MTMR9: variants seen among roughly 807,000 people sequenced by gnomAD.
The protein encoded by MTMR9 is myotubularin related protein 9, also known as myotubularin-related protein 9.
MTMR9 carries 39 observed loss-of-function variants against 69.5 expected under a neutral mutation model. The ratio of observed to expected loss-of-function variants is 0.56; its 90% confidence interval spans 0.43 to 0.73. The LOEUF (loss-of-function observed/expected upper bound fraction) is 0.73. MTMR9 is among the 30% of genes least tolerant of loss of function. MTMR9 has a pLI of 0.00. For missense variants in MTMR9, 900 were observed against 671.2 expected, an observed-to-expected ratio of 1.34 and a Z score of -3.77; for synonymous variants, 354 against 240.8, an observed-to-expected ratio of 1.47 and a Z score of -4.35.
At chr8:11,292,751 A>T (rs1799414171) in intron 1 of MTMR9, among the ~76,000 whole-genome samples, 2 of 152,168 alleles carry the variant, frequency 1.3e-5, no homozygotes, top group Non-Finnish European at 2.9e-5. Flanking sequence ...CATGTGATTT[A>T]TTATATATAT....
intron 1 of MTMR9, among the ~76,000 whole-genome samples, chr8:11,288,196 G>T (rs1799250442): frequency 7.4e-6 from 1 of 134,752 alleles, no homozygotes; most frequent in African/African-American, 2.8e-5. Context: ...CCTAATACAT[G>T]TAATTATTAT....
rs78691807 is a variant in MTMR9, at chr8:11,304,815, G to A, written c.418-26G>A. ...TTTGCGACATTGAGATAGTTGCTTA[G>A]CTTTGAAGTATTTTGTGTTTTTCAG... is the stretch of plus-strand genomic sequence containing the variant. On this transcript the variant is annotated intron_variant, in intron 3 of 9. Transcript: ENST00000221086. 1,166 of 1,608,218 alleles carry A rather than the reference G, an allele frequency of 7.3e-4. 11 individuals are homozygous for A. The African/African-American group carries it at 0.014, about 19-fold the overall frequency.
At chr8:11,302,378 A>T (rs1197166758) in intron 3 of MTMR9, among the ~76,000 whole-genome samples, 1 of 152,014 alleles carries the variant, frequency 6.6e-6, no homozygotes, top group Non-Finnish European at 1.5e-5. Context: ...TTGAACCCTT[A>T]AGCTGAGGTA....
At chr8:11,295,359 T>A (rs1799517246) in intron 2 of MTMR9, 57 bp downstream of exon 2, 2 of 969,382 alleles carry the variant, frequency 2.1e-6, no homozygotes, top group Non-Finnish European at 3.3e-6. Context: ...TGACTCAGTG[T>A]AGCTCTTCCA....
chr8:11,284,837 AACCGCCTC>A lies in MTMR9; in HGVS notation c.-51_-44del. 1 of 1,482,572 alleles carries A rather than the reference AACCGCCTC, an allele frequency of 6.7e-7. No individual in the cohort carries two copies. The highest frequency in any genetic ancestry group is 9.1e-7 in the Non-Finnish European group (1 of 1,102,714). 91.8% of individuals were successfully genotyped at this position (1,482,572 alleles called of 1,614,324 possible). ...TTCCGCTACTTCCCTGCGGCGGGGT[AACCGCCTC>A]GCACCTACCGGGCTCGGTTCCCTGG... On this transcript the variant is annotated 5_prime_UTR_variant, in exon 1 of 10. Transcript: ENST00000221086.
At chr8:11,302,253 C>CAAAAA (rs34305448) in intron 3 of MTMR9, among the ~76,000 whole-genome samples, 2 of 58,974 alleles carry the variant, frequency 3.4e-5, no homozygotes, top group African/African-American at 6.8e-5. Context: ...ACCCTGTCTC[C>CAAAAA]AAAAAAAAAA....
At chr8:11,334,183 A>G in the MTMR9 span, among the ~76,000 whole-genome samples, 1 of 152,206 alleles carries the variant, frequency 6.6e-6, no homozygotes, top group Non-Finnish European at 1.5e-5. Context: ...AGTTTGTAGT[A>G]TTCTGTTATA....
At chr8:11,308,337 A>G (rs1399742563) in intron 5 of MTMR9, among the ~76,000 whole-genome samples, 2 of 152,222 alleles carry the variant, frequency 1.3e-5, no homozygotes, top group Middle Eastern at 3.4e-3. Context: ...TCAAACATCA[A>G]TTTACCATAA....
At chr8:11,294,045 T>G (rs1017259632) in intron 1 of MTMR9, among the ~76,000 whole-genome samples, 3 of 151,078 alleles carry the variant, frequency 2.0e-5, no homozygotes, top group African/African-American at 7.3e-5. Context: ...CCATATGAAT[T>G]TTAGAATCAC....
At chr8:11,288,078 C>T (rs1799245862) in intron 1 of MTMR9, among the ~76,000 whole-genome samples, 1 of 125,832 alleles carries the variant, frequency 7.9e-6, no homozygotes, top group African/African-American at 3.0e-5. Context: ...TATATTTCAC[C>T]TATATAATAT....
At chr8:11,332,276 G>A, downstream of MTMR9, 2 of 1,233,732 alleles carry the variant, frequency 1.6e-6, no homozygotes, top group South Asian at 1.9e-5. Context: ...ATATTGAGAT[G>A]TTCAGTTATA....
downstream of MTMR9, chr8:11,331,818 C>G: frequency 6.2e-7 from 1 of 1,611,892 alleles, no homozygotes; most frequent in Non-Finnish European, 8.5e-7. Flanking sequence ...TGTGCCAGGC[C>G]TCTTTGTGCT....
At chr8:11,329,161 A>AGGCG (rs1292849707), downstream of MTMR9, among the ~76,000 whole-genome samples, 1 of 152,236 alleles carries the variant, frequency 6.6e-6, no homozygotes, top group Admixed American at 6.5e-5. Context: ...TGGAAGGCTG[A>AGGCG]GGCAGGAGGA....
In MTMR9 at chr8:11,288,348, A is replaced by G. The variant is rs191112096; in HGVS notation, c.182+3278A>G. 2.9e-3 allele frequency among the ~76,000 whole-genome samples: 405 copies of G among 140,462 alleles called. 2 individuals carry two copies. Among genetic ancestry groups the G allele is most frequent in the African/African-American group, 0.01 (384 of 38,174 alleles). 92.1% of individuals were successfully genotyped at this position (140,462 alleles called of 152,430 possible). On this transcript the variant is annotated intron_variant, in intron 1 of 9. Coordinates refer to ENST00000221086, the MANE Select transcript of MTMR9 (RefSeq NM_015458.4). ...ATATACATAAATATATAATATATTT[A>G]TATATATATAATATATATATAATGA...
intron 7 of MTMR9, chr8:11,315,742 C>T (rs1800389202): frequency 6.6e-6 from 1 of 152,380 alleles, no homozygotes; most frequent in Non-Finnish European, 1.5e-5. Flanking sequence ...TGCCTGACAA[C>T]TGACCTTACC....
Position 11,314,955 on chromosome 8 carries a change from A to G in MTMR9, c.1004A>G (p.Glu335Gly), listed in dbSNP as rs759652693. The change falls in exon 7 of 10, where the codon GAA becomes GGA. Residue 335 changes from glutamate to glycine, a missense_variant. Physicochemically the swap from Glu to Gly is moderately conservative, Grantham distance 98. Transcript: ENST00000221086. ...EGASILIHGT[E>G]GTDSTLQVTS... Reference sequence around the variant, plus strand: ...GCATCAATATTGATTCACGGAACAGAAGGAACTGATTCCACACTCCAGGTG... The same window carrying G: ...GCATCAATATTGATTCACGGAACAGGAGGAACTGATTCCACACTCCAGGTG... 1 of 1,613,972 alleles carries G rather than the reference A, an allele frequency of 6.2e-7. No individual in the cohort carries two copies. Among genetic ancestry groups the G allele is most frequent in the Non-Finnish European group, 8.5e-7 (1 of 1,179,884 alleles).
chr8:11,288,755 A>G (rs1211183455), intron 1 of MTMR9, among the ~76,000 whole-genome samples: 1 of 152,196 alleles, frequency 6.6e-6, no homozygotes, highest in Non-Finnish European at 1.5e-5. Flanking sequence ...GAGAGGTGAA[A>G]GCTAGGAAGC....
At chr8:11,306,430 C>T (rs763763306) in intron 5 of MTMR9, 23 bp downstream of exon 5, 6 of 1,602,240 alleles carry the variant, frequency 3.7e-6, no homozygotes, top group Admixed American at 1.7e-5. Context: ...AAAGATAGTA[C>T]AGACTCTTAT....
At position 11,322,823 on chromosome 8, in the gene MTMR9, G is replaced by T. The variant is rs1030858426; in HGVS notation, c.*35G>T. On this transcript the variant is annotated 3_prime_UTR_variant, in exon 10 of 10. Transcript: ENST00000221086. ...TCGCACCCTTCGCAAGGACCTTCTTGGGCCTGTGTCCGCCGTTCTCTCCTT... is the reference window on the plus strand; with the variant it reads ...TCGCACCCTTCGCAAGGACCTTCTTTGGCCTGTGTCCGCCGTTCTCTCCTT... 8 of 1,587,970 alleles carry T rather than the reference G, an allele frequency of 5.0e-6. No homozygotes were observed. Among genetic ancestry groups the T allele is most frequent in the Non-Finnish European group, 6.9e-6 (8 of 1,166,686 alleles).
Sources: allele counts gnomAD v4.1 joint callset (sites outside exome capture counted in the v4.1 genomes callset), GRCh38; gene constraint gnomAD v4.1.1; transcripts MANE v1.5; gene names NCBI Gene and HGNC (gene_info 2026-07-23, HGNC 2026-07-21).